Variants in COL6A5 observed in about 807,000 individuals in gnomAD.
COL6A5 encodes the protein collagen alpha-5(VI) chain.
In COL6A5, 48 loss-of-function variants were observed where a neutral mutation model predicts 65.6. That is an observed-to-expected ratio of 0.73 (90% CI 0.58 to 0.93). The LOEUF is 0.93. Among genes scored for constraint, COL6A5 ranks in the 40% least tolerant of loss-of-function variants. The pLI, the probability that COL6A5 is intolerant of heterozygous loss-of-function variation, is 0.00. For synonymous variants in COL6A5, 291 were observed against 322.8 expected, an observed-to-expected ratio of 0.90 and a Z score of 1.05; for missense variants, 914 against 928.3, an observed-to-expected ratio of 0.98 and a Z score of 0.20.
At chr3:130,387,407 A>G (rs1232565852) in intron 5 of COL6A5, among the ~76,000 whole-genome samples, 1 of 152,116 alleles carries the variant, frequency 6.6e-6, no homozygotes, top group African/African-American at 2.4e-5. Context: ...TGTGAATACT[A>G]AACTGTATGT....
At chr3:130,458,205 T>C (rs1709620633) in intron 5 of COL6A5, among the ~76,000 whole-genome samples, 5 of 152,102 alleles carry the variant, frequency 3.3e-5, no homozygotes, top group Admixed American at 3.3e-4. Context: ...GCCCTCCTTT[T>C]ACTTAAAGCA....
intron 1 of COL6A5, among the ~76,000 whole-genome samples, chr3:130,371,999 A>G (rs564723566): frequency 9.2e-5 from 14 of 152,294 alleles, no homozygotes; most frequent in African/African-American, 3.4e-4. Flanking sequence ...ATAAAAGACA[A>G]AAAACCCAGT....
At chr3:130,367,996 T>A (rs530740757) in intron 1 of COL6A5, among the ~76,000 whole-genome samples, 1 of 152,352 alleles carries the variant, frequency 6.6e-6, no homozygotes, top group East Asian at 1.9e-4. Context: ...ACTTCTCAGA[T>A]TCTTTACCCA....
Position 130,402,564 on chromosome 3 carries a change from A to G in COL6A5, c.4227+710A>G, listed in dbSNP as rs79192613. ...TAAAATTCCATTTATTAGAAGTTAT[A>G]GTATCTAGGGAGGAATACTTAACGG... On this transcript the variant is annotated intron_variant and NMD_transcript_variant, in intron 12 of 41. Transcript: ENST00000312481. Among the ~76,000 whole-genome samples the G allele has an allele frequency of 1.3e-3, 195 of 152,334 alleles. 1 individual carries two copies. The highest frequency in any genetic ancestry group is 4.5e-3 in the African/African-American group (187 of 41,586).
chr3:130,389,205 G>A, intron 6 of COL6A5, 71 bp downstream of exon 6: 1 of 1,081,002 alleles, frequency 9.3e-7, no homozygotes, highest in Non-Finnish European at 1.2e-6. Flanking sequence ...AACAGTGAAT[G>A]GCACTCTGGC....
At chr3:130,392,084 C>T (rs147548482) in intron 7 of COL6A5, among the ~76,000 whole-genome samples, 3,339 of 152,272 alleles carry the variant, frequency 0.022, 70 homozygotes, top group Non-Finnish European at 0.03. Flanking sequence ...GCTCATGGTG[C>T]TCCATTTGGT....
intron 4 of COL6A5, among the ~76,000 whole-genome samples, chr3:130,449,727 G>A (rs991142509): frequency 1.3e-5 from 2 of 152,022 alleles, no homozygotes; most frequent in African/African-American, 4.8e-5. Flanking sequence ...CCCATCCCAG[G>A]GCCACGTGCC....
rs749711388 is a variant in COL6A5 at position 130,440,562 on chromosome 3, ATCTAAGAAAACACAAGG to A, written c.981_997del (p.Leu328HisfsTer11). The A allele has an allele frequency of 1.2e-5, 19 of 1,613,496 alleles. No individual in the cohort carries two copies. Among genetic ancestry groups the A allele is most frequent in the Non-Finnish European group, 1.6e-5 (19 of 1,179,730 alleles). ...GAAAATCTTTTTCCAGAAACACCCT[ATCTAAGAAAACACAAGG>A]TCATCTTTGTGGTCTCAGCTGGAGA... On this transcript the variant is annotated frameshift_variant, in exon 3 of 8. Coordinates refer to ENST00000512836, the Ensembl canonical transcript of COL6A5. LOFTEE classifies it high-confidence loss of function.
chr3:130,391,106 C>T (rs73000358), intron 6 of COL6A5, 73 bp from the exon 7 acceptor site: 50,999 of 1,051,468 alleles, frequency 0.049, 4,943 homozygotes, highest in East Asian at 0.38. Context: ...AATGCCAGTT[C>T]GCTTCCCTTC....
At chr3:130,459,107 C>T (rs376363550) in intron 5 of COL6A5, among the ~76,000 whole-genome samples, 4 of 152,002 alleles carry the variant, frequency 2.6e-5, no homozygotes, top group Non-Finnish European at 4.4e-5. Context: ...ATTTGTAACG[C>T]GTTTTAAGTA....
At chr3:130,367,182 A>G (rs1327157964) in intron 1 of COL6A5, among the ~76,000 whole-genome samples, 1 of 152,242 alleles carries the variant, frequency 6.6e-6, no homozygotes, top group Non-Finnish European at 1.5e-5. Flanking sequence ...TGGCATAAGC[A>G]TTCCTGCCTT....
intron 4 of COL6A5, among the ~76,000 whole-genome samples, chr3:130,381,369 A>G (rs1418129753): frequency 6.6e-6 from 1 of 152,156 alleles, no homozygotes; most frequent in Non-Finnish European, 1.5e-5. Context: ...ATTCCATTTA[A>G]TGGATATACC....
intron 1 of COL6A5, among the ~76,000 whole-genome samples, chr3:130,367,519 T>A (rs1164055841): frequency 7.9e-5 from 12 of 152,198 alleles, no homozygotes; most frequent in Admixed American, 7.9e-4. Context: ...TAAAGATGTA[T>A]CAAACATACT....
At chr3:130,443,331 G>GT (rs1709229565) in intron 3 of COL6A5, 145 bp from the exon 36 acceptor site, 1 of 577,608 alleles carries the variant, frequency 1.7e-6, no homozygotes, top group African/African-American at 1.9e-5. Context: ...TCTAACTGCT[G>GT]TTTTCTGTTT....
chr3:130,398,144 T>G, intron 10 of COL6A5, 33 bp downstream of exon 10: 1 of 1,418,350 alleles, frequency 7.1e-7, no homozygotes, highest in Non-Finnish European at 9.6e-7. Flanking sequence ...TTTTTTTTTT[T>G]TTTTGAGATG....
chr3:130,359,984 C>T (rs749664552), intron 1 of COL6A5, among the ~76,000 whole-genome samples: 2 of 151,812 alleles, frequency 1.3e-5, no homozygotes, highest in Admixed American at 1.3e-4. Context: ...AATTCATGAC[C>T]GTTTGTTATG....
intron 8 of COL6A5, among the ~76,000 whole-genome samples, chr3:130,395,956 T>A (rs890996141): frequency 6.6e-6 from 1 of 152,228 alleles, no homozygotes; most frequent in Non-Finnish European, 1.5e-5. Context: ...TACATTCATA[T>A]AATCATAGCC....
At chr3:130,435,666 T>C (rs1938010463) in intron 1 of COL6A5, among the ~76,000 whole-genome samples, 2 of 152,148 alleles carry the variant, frequency 1.3e-5, no homozygotes, top group Admixed American at 1.3e-4. Flanking sequence ...TTGTTAGCTG[T>C]ATTGCTAAGT....
At chr3:130,434,444 A>C (rs1448733969) in intron 1 of COL6A5, among the ~76,000 whole-genome samples, 1 of 152,206 alleles carries the variant, frequency 6.6e-6, no homozygotes, top group African/African-American at 2.4e-5. Context: ...GCCTTTGGAT[A>C]TACACCCAGT....
Sources: allele counts gnomAD v4.1 joint callset (sites outside exome capture counted in the v4.1 genomes callset), GRCh38; gene constraint gnomAD v4.1.1; transcripts MANE v1.5; gene names NCBI Gene and HGNC (gene_info 2026-07-23, HGNC 2026-07-21).